Variants in SNCAIP observed in about 807,000 individuals in gnomAD.
SNCAIP encodes synphilin-1.
SNCAIP carries 43 observed loss-of-function variants against 86.7 expected under a neutral mutation model. The observed-to-expected ratio is 0.50, with a 90% confidence interval of 0.39 to 0.64. The LOEUF is 0.64. SNCAIP is among the 30% of genes least tolerant of loss of function. The pLI is 0.00. For synonymous variants in SNCAIP, 417 were observed against 427.2 expected, an observed-to-expected ratio of 0.98 and a Z score of 0.29; for missense variants, 981 against 1,103.1, an observed-to-expected ratio of 0.89 and a Z score of 1.57.
At chr5:122,445,645 T>TACACACAC (rs55968414) in intron 8 of SNCAIP, among the ~76,000 whole-genome samples, 10 of 143,166 alleles carry the variant, frequency 7.0e-5, no homozygotes, top group African/African-American at 2.6e-4. Context: ...CTTTAAGTTT[T>TACACACAC]ACACACACAC....
Position 122,452,840 on chromosome 5 carries a change from C to T in SNCAIP, c.2754+1239C>T, listed in dbSNP as rs1783983235. The T allele has an allele frequency of 7.2e-6, 6 of 829,850 alleles. No individual in the cohort carries two copies. The Admixed American group carries it at 1.2e-4, about 17-fold the overall frequency. The allele number at this position is 829,850 out of a possible 1,614,324, so 51.4% of individuals were successfully genotyped here. On this transcript the variant is annotated intron_variant, in intron 10 of 10. Transcript: ENST00000261368. ...CACTGTCCTCTAATCTATCTATCTT[C>T]CTGCATGCTTCATGTTTACTGGGAC... is the stretch of plus-strand genomic sequence containing the variant.
At chr5:122,439,466 G>A (rs1780306758) in intron 6 of SNCAIP, among the ~76,000 whole-genome samples, 1 of 152,188 alleles carries the variant, frequency 6.6e-6, no homozygotes, top group Admixed American at 6.5e-5. Context: ...CAAATGTTCA[G>A]TCTCTCCCTG....
chr5:122,370,122 G>C (rs941999228), intron 1 of SNCAIP: 1 of 151,982 alleles, frequency 6.6e-6, no homozygotes, highest in African/African-American at 2.4e-5. Context: ...GGATATCCCA[G>C]TTACTCCAAT....
At chr5:122,318,479 C>T (rs1752262246) in intron 1 of SNCAIP, among the ~76,000 whole-genome samples, 1 of 152,114 alleles carries the variant, frequency 6.6e-6, no homozygotes, top group Non-Finnish European at 1.5e-5. Flanking sequence ...ATCCTGTGCT[C>T]AGTACAGTGC....
At chr5:122,438,955 A>C (rs1045514977) in intron 6 of SNCAIP, among the ~76,000 whole-genome samples, 2 of 152,158 alleles carry the variant, frequency 1.3e-5, no homozygotes, top group African/African-American at 4.8e-5. Flanking sequence ...TGCAGCCTCC[A>C]TGTCTGAGCC....
chr5:122,346,192 A>G (rs1257544320), intron 1 of SNCAIP, among the ~76,000 whole-genome samples: 2 of 152,190 alleles, frequency 1.3e-5, no homozygotes, highest in Non-Finnish European at 2.9e-5. Context: ...ATGCCCTCTA[A>G]TGATTTTCTT....
At chr5:122,405,596 G>C (rs73287526) in intron 3 of SNCAIP, among the ~76,000 whole-genome samples, 1,651 of 152,272 alleles carry the variant, frequency 0.011, 33 homozygotes, top group African/African-American at 0.038. Flanking sequence ...ACCCCAGGAA[G>C]TCTACTTCCA....
Position 122,447,036 on chromosome 5 carries a change from G to A in SNCAIP, c.1592+2304G>A, listed in dbSNP as rs558255989. On this transcript the variant is annotated intron_variant, in intron 8 of 10. Transcript: ENST00000261368. ...AGCTACAGTGAGGTCATTAGGATGG[G>A]TCCTACTCTGACTAGAGTCCTTATA... Among the ~76,000 whole-genome samples the A allele has an allele frequency of 3.9e-5, 6 of 152,294 alleles. No individual in the cohort carries two copies. In the South Asian group the frequency reaches 1.0e-3, roughly 26 times the overall value.
intron 6 of SNCAIP, among the ~76,000 whole-genome samples, chr5:122,434,639 C>T (rs969117385): frequency 6.6e-6 from 1 of 152,096 alleles, no homozygotes; most frequent in Non-Finnish European, 1.5e-5. Context: ...GGGGGGCAGT[C>T]CAGCAGTGCC....
At chr5:122,377,228 T>C (rs919425337) in intron 1 of SNCAIP, among the ~76,000 whole-genome samples, 1 of 152,192 alleles carries the variant, frequency 6.6e-6, no homozygotes, top group African/African-American at 2.4e-5. Context: ...ACCACTGGTT[T>C]TCTTGGCTTC....
chr5:122,409,632 G>A (rs1010912193), intron 3 of SNCAIP, among the ~76,000 whole-genome samples: 2 of 152,150 alleles, frequency 1.3e-5, no homozygotes, highest in South Asian at 4.1e-4. Context: ...AAGTCATGTA[G>A]GTTGTACATT....
intron 1 of SNCAIP, among the ~76,000 whole-genome samples, chr5:122,336,113 G>T (rs1252788975): frequency 6.6e-6 from 1 of 151,956 alleles, no homozygotes; most frequent in African/African-American, 2.4e-5. Flanking sequence ...AAGACCAAAA[G>T]AAATTATTTA....
At chr5:122,391,442 C>G (rs1769334886) in intron 2 of SNCAIP, among the ~76,000 whole-genome samples, 1 of 152,110 alleles carries the variant, frequency 6.6e-6, no homozygotes, top group Non-Finnish European at 1.5e-5. Flanking sequence ...CTAATGTGTT[C>G]CAATGTTGTC....
Position 122,420,059 on chromosome 5 carries a change from AT to A in SNCAIP, c.131-2807del, listed in dbSNP as rs369645340. Among the ~76,000 whole-genome samples, 55 of 152,312 alleles carry A rather than the reference AT, an allele frequency of 3.6e-4. 1 individual carries two copies. The East Asian group carries it at 0.01, about 28-fold the overall frequency. On this transcript the variant is annotated intron_variant, in intron 3 of 10. Coordinates refer to ENST00000261368, the MANE Select transcript of SNCAIP (RefSeq NM_005460.4). The stretch of plus-strand genomic sequence containing the variant: ...AAACCTGTGAAATAATCCATTTTTC[AT>A]TCCTGGGATGTCTTTTCTTGGCAAT...
chr5:122,375,273 T>A (rs553281778), intron 1 of SNCAIP, among the ~76,000 whole-genome samples: 1 of 152,224 alleles, frequency 6.6e-6, no homozygotes, highest in South Asian at 2.1e-4. Context: ...TTCATAATAA[T>A]TTGATCTCTG....
intron 2 of SNCAIP, among the ~76,000 whole-genome samples, chr5:122,392,922 A>G (rs1283300179): frequency 1.3e-5 from 2 of 152,238 alleles, no homozygotes; most frequent in African/African-American, 4.8e-5. Flanking sequence ...CATAAAGTCA[A>G]GATTTTTTTT....
chr5:122,360,567 T>C (rs1053864480), intron 1 of SNCAIP, among the ~76,000 whole-genome samples: 1 of 152,244 alleles, frequency 6.6e-6, no homozygotes, highest in African/African-American at 2.4e-5. Context: ...CTTTAATTAA[T>C]GAATGTTACT....
intron 1 of SNCAIP, among the ~76,000 whole-genome samples, chr5:122,366,722 T>C (rs1763266712): frequency 1.3e-5 from 2 of 152,070 alleles, no homozygotes; most frequent in Admixed American, 1.3e-4. Flanking sequence ...GAGCTGAATG[T>C]AGGCAGGCAC....
chr5:122,449,770 G>A (rs981218564), intron 8 of SNCAIP, 75 bp from the exon 9 acceptor site: 12 of 1,008,474 alleles, frequency 1.2e-5, no homozygotes, highest in Middle Eastern at 2.0e-4. Context: ...AAATTATTAC[G>A]AAAAATATTA....
Sources: allele counts gnomAD v4.1 joint callset (sites outside exome capture counted in the v4.1 genomes callset), GRCh38; gene constraint gnomAD v4.1.1; transcripts MANE v1.5; gene names NCBI Gene and HGNC (gene_info 2026-07-23, HGNC 2026-07-21).